Variants in PDE8B observed in about 807,000 individuals in gnomAD.
The protein encoded by PDE8B is phosphodiesterase 8B.
A neutral mutation model predicts 101.3 loss-of-function variants in PDE8B; 26 were observed. That is an observed-to-expected ratio of 0.26 (90% CI 0.19 to 0.36). The LOEUF is 0.36. PDE8B is among the 10% of genes least tolerant of loss of function. The probability of loss-of-function intolerance (pLI) is 1.00; values close to 1 mark genes in which losing one functional copy is unlikely to be tolerated. For synonymous variants in PDE8B, 424 were observed against 429.3 expected, an observed-to-expected ratio of 0.99 and a Z score of 0.15; for missense variants, 810 against 1,163.1, an observed-to-expected ratio of 0.70 and a Z score of 4.42.
chr5:77,173,581 G>A, the PDE8B span, among the ~76,000 whole-genome samples: 1 of 152,114 alleles, frequency 6.6e-6, no homozygotes, highest in Non-Finnish European at 1.5e-5. Context: ...TAGCAAGTGA[G>A]TCAAAATGGA....
At chr5:77,383,855 C>G (rs1388156282) in intron 10 of PDE8B, among the ~76,000 whole-genome samples, 1 of 152,124 alleles carries the variant, frequency 6.6e-6, no homozygotes, top group Non-Finnish European at 1.5e-5. Flanking sequence ...TGTTTTGGTA[C>G]CAGTATCATG....
chr5:77,424,664 G>A (rs1012848635), intron 20 of PDE8B, among the ~76,000 whole-genome samples: 3 of 152,156 alleles, frequency 2.0e-5, no homozygotes, highest in African/African-American at 2.4e-5. Context: ...GCAGATTTTG[G>A]TATGCAGTTC....
At chr5:77,098,917 A>C in the PDE8B span, among the ~76,000 whole-genome samples, 1,143 of 152,244 alleles carry the variant, frequency 7.5e-3, 18 homozygotes, top group African/African-American at 0.026. Context: ...CCACTCCCAC[A>C]ATTAATCCAT....
chr5:77,417,515 TTATA>T (rs1353111815), intron 17 of PDE8B, among the ~76,000 whole-genome samples: 3 of 152,182 alleles, frequency 2.0e-5, no homozygotes, highest in African/African-American at 7.2e-5. Flanking sequence ...ACAACATCTC[TTATA>T]TAACAGTAGC....
chr5:77,158,955 T>G, the PDE8B span, among the ~76,000 whole-genome samples: 1 of 151,664 alleles, frequency 6.6e-6, no homozygotes, highest in Non-Finnish European at 1.5e-5. Context: ...CAGGAGGGAG[T>G]CAGGGAGCCT....
At chr5:77,367,351 T>C (rs185809232) in intron 10 of PDE8B, among the ~76,000 whole-genome samples, 1 of 152,114 alleles carries the variant, frequency 6.6e-6, no homozygotes, top group Non-Finnish European at 1.5e-5. Context: ...AAGCAGATGC[T>C]GCAGCCAGTG....
At chr5:77,193,395 A>T in the PDE8B span, among the ~76,000 whole-genome samples, 2 of 152,146 alleles carry the variant, frequency 1.3e-5, no homozygotes, top group South Asian at 2.1e-4. Flanking sequence ...ATGCATTTGG[A>T]TACTCAGTCA....
chr5:77,125,249 G>A, the PDE8B span, among the ~76,000 whole-genome samples: 10 of 152,156 alleles, frequency 6.6e-5, no homozygotes, highest in East Asian at 1.9e-4. Flanking sequence ...TGATTCCCCC[G>A]CCTTGGCCTC....
At chr5:77,183,969 C>CTT in the PDE8B span, among the ~76,000 whole-genome samples, 229 of 137,238 alleles carry the variant, frequency 1.7e-3, 1 homozygote, top group East Asian at 9.0e-3. Context: ...TAAATACATA[C>CTT]TTTTTTTTTT....
At chr5:77,109,303 T>C in the PDE8B span, among the ~76,000 whole-genome samples, 1 of 152,252 alleles carries the variant, frequency 6.6e-6, no homozygotes, top group Non-Finnish European at 1.5e-5. Flanking sequence ...AAAGGGTTAT[T>C]ATTACTCTTG....
chr5:77,233,537 G>A lies in PDE8B; in HGVS notation c.339+22273G>A, dbSNP rs116122312. Among the ~76,000 whole-genome samples, 576 of 152,246 alleles carry A rather than the reference G, an allele frequency of 3.8e-3. 2 individuals are homozygous for A. The highest frequency in any genetic ancestry group is 0.013 in the African/African-American group (546 of 41,546). On this transcript the variant is annotated intron_variant, in intron 1 of 21. Coordinates refer to ENST00000264917, the MANE Select transcript of PDE8B (RefSeq NM_003719.5). ...ACTATGGTAAGCTTTCCAATGAAAGGATAGGAGAACTGATCTGAAAGAAGA... is the reference window on the plus strand; with the variant it reads ...ACTATGGTAAGCTTTCCAATGAAAGAATAGGAGAACTGATCTGAAAGAAGA...
chr5:77,118,699 T>G, the PDE8B span: 1 of 241,272 alleles, frequency 4.1e-6, no homozygotes, highest in Non-Finnish European at 7.9e-6. Flanking sequence ...TGTATCTGCA[T>G]GTGGTCAGTG....
chr5:77,364,738 G>A (rs1313069104), intron 10 of PDE8B, among the ~76,000 whole-genome samples: 1 of 152,022 alleles, frequency 6.6e-6, no homozygotes, highest in Non-Finnish European at 1.5e-5. Context: ...GTACTCGAGG[G>A]TCTGGGGAGG....
the PDE8B span, among the ~76,000 whole-genome samples, chr5:77,201,250 A>G: frequency 1.3e-5 from 2 of 152,212 alleles, no homozygotes; most frequent in Admixed American, 6.5e-5. Context: ...GTCTTGGCAG[A>G]AACTGTTTAC....
chr5:77,376,260 A>T (rs1786116214), intron 10 of PDE8B, among the ~76,000 whole-genome samples: 1 of 152,124 alleles, frequency 6.6e-6, no homozygotes. Flanking sequence ...AAGGTTATTT[A>T]GTATCAAATT....
chr5:77,312,103 T>TTA, intron 2 of PDE8B, 50 bp downstream of exon 2: 5 of 1,281,886 alleles, frequency 3.9e-6, no homozygotes, highest in Non-Finnish European at 5.5e-6. Context: ...TCTTTTTTTT[T>TTA]TCTTTTTTTT....
chr5:77,104,901 C>G, the PDE8B span: 1 of 152,144 alleles, frequency 6.6e-6, no homozygotes, highest in South Asian at 2.1e-4. Flanking sequence ...ACACCTTAAT[C>G]AAGACACAGA....
chr5:77,230,559 G>A (rs901629985), intron 1 of PDE8B, among the ~76,000 whole-genome samples: 4 of 152,074 alleles, frequency 2.6e-5, no homozygotes, highest in African/African-American at 4.8e-5. Context: ...CTCAGCCTCC[G>A]AGGTTCAAGC....
At chr5:77,297,287 C>T (rs1768810461) in intron 1 of PDE8B, among the ~76,000 whole-genome samples, 1 of 152,214 alleles carries the variant, frequency 6.6e-6, no homozygotes. Context: ...GACTAAATTT[C>T]AACATGAATT....
Sources: allele counts gnomAD v4.1 joint callset (sites outside exome capture counted in the v4.1 genomes callset), GRCh38; gene constraint gnomAD v4.1.1; transcripts MANE v1.5; gene names NCBI Gene and HGNC (gene_info 2026-07-23, HGNC 2026-07-21).